Variants in TENM3 observed in about 807,000 individuals in gnomAD.
The protein encoded by TENM3 is teneurin-3.
Under a neutral mutation model 255.1 loss-of-function variants are expected in TENM3, and 63 were observed. The ratio of observed to expected loss-of-function variants is 0.25; its 90% CI spans 0.20 to 0.30. The LOEUF is 0.30. Ranked by LOEUF, TENM3 falls within the 10% of genes least tolerant of loss-of-function variation. The probability of loss-of-function intolerance (pLI) is 1.00; values close to 1 mark genes in which losing one functional copy is unlikely to be tolerated. For synonymous variants in TENM3, 1,306 were observed against 1,322.3 expected, an observed-to-expected ratio of 0.99 and a Z score of 0.27; for missense variants, 2,929 against 3,461.1, an observed-to-expected ratio of 0.85 and a Z score of 3.86.
the TENM3 span, among the ~76,000 whole-genome samples, chr4:182,126,589 T>C: frequency 6.6e-5 from 10 of 152,206 alleles, no homozygotes; most frequent in Non-Finnish European, 1.2e-4. Flanking sequence ...TAACGTGATC[T>C]TCTTGCTGTG....
intron 1 of TENM3, among the ~76,000 whole-genome samples, chr4:182,213,963 G>A (rs1428371839): frequency 2.6e-5 from 4 of 151,996 alleles, no homozygotes; most frequent in East Asian, 3.9e-4. Flanking sequence ...CACCACGCCT[G>A]GCTAATTTTT....
At chr4:182,469,567 A>C (rs1732916940) in intron 3 of TENM3, among the ~76,000 whole-genome samples, 1 of 152,078 alleles carries the variant, frequency 6.6e-6, no homozygotes, top group Non-Finnish European at 1.5e-5. Flanking sequence ...ATGCAAAATG[A>C]GCCGGGCATG....
chr4:182,167,007 C>G (rs2149675290), intron 1 of TENM3, among the ~76,000 whole-genome samples: 1 of 152,186 alleles, frequency 6.6e-6, no homozygotes, highest in Non-Finnish European at 1.5e-5. Flanking sequence ...TTGAAGTGGG[C>G]TACCTATAAG....
chr4:182,596,774 G>A (rs1172431593), intron 3 of TENM3, among the ~76,000 whole-genome samples: 1 of 152,160 alleles, frequency 6.6e-6, no homozygotes, highest in Non-Finnish European at 1.5e-5. Flanking sequence ...GCACTAGAAA[G>A]CCATTTGGAG....
chr4:182,473,633 G>A (rs139722196), intron 3 of TENM3, among the ~76,000 whole-genome samples: 44 of 152,004 alleles, frequency 2.9e-4, no homozygotes, highest in African/African-American at 7.2e-4. Context: ...AGATCGCGCC[G>A]CTGCACTCCA....
chr4:182,371,185 C>G (rs1209937816), intron 3 of TENM3, among the ~76,000 whole-genome samples: 1 of 151,260 alleles, frequency 6.6e-6, no homozygotes, highest in East Asian at 1.9e-4. Flanking sequence ...CCCAGTTTAT[C>G]ATGACTCCTT....
chr4:182,211,221 C>T lies in TENM3; in HGVS notation c.-76+66467C>T, dbSNP rs572999053. 1.1e-4 allele frequency among the ~76,000 whole-genome samples: 16 copies of T among 152,318 alleles called. 1 individual carries two copies. The highest frequency in any genetic ancestry group is 2.4e-4 in the African/African-American group (10 of 41,574). ...GTATTCATAAAGCTCATTCAACCCA[C>T]GAGAGACGTGGCTCTTTCTTGTTCA... On this transcript the variant is annotated intron_variant, in intron 1 of 2. Coordinates refer to the TENM3 transcript ENST00000512480.
chr4:181,668,606 T>C, the TENM3 span, among the ~76,000 whole-genome samples: 1 of 152,210 alleles, frequency 6.6e-6, no homozygotes, highest in Middle Eastern at 3.4e-3. Flanking sequence ...AAATGTCCCC[T>C]TTTTCTAAGG....
chr4:181,888,520 A>ATATATATATATATATGTG, the TENM3 span, among the ~76,000 whole-genome samples: 11 of 92,178 alleles, frequency 1.2e-4, no homozygotes, highest in African/African-American at 5.4e-4. Context: ...ATATATGTAT[A>ATATATATATATATATGTG]TATATACATA....
chr4:182,068,210 C>A, the TENM3 span, among the ~76,000 whole-genome samples: 227 of 152,150 alleles, frequency 1.5e-3, 7 homozygotes, highest in East Asian at 0.032. Flanking sequence ...AATAAGGCAC[C>A]TTTTTAATGG....
At chr4:182,429,690 C>T (rs1024238902) in intron 3 of TENM3, among the ~76,000 whole-genome samples, 2 of 152,144 alleles carry the variant, frequency 1.3e-5, no homozygotes, top group African/African-American at 4.8e-5. Flanking sequence ...ATCCAGTGGT[C>T]ATCTAACAGC....
chr4:182,488,611 C>T (rs1734978401), intron 3 of TENM3, among the ~76,000 whole-genome samples: 1 of 151,996 alleles, frequency 6.6e-6, no homozygotes, highest in Non-Finnish European at 1.5e-5. Flanking sequence ...GGAAGAAAAT[C>T]ATCAGTTCAA....
the TENM3 span, among the ~76,000 whole-genome samples, chr4:181,618,137 G>T: frequency 6.6e-6 from 1 of 152,156 alleles, no homozygotes; most frequent in Non-Finnish European, 1.5e-5. Flanking sequence ...AGTATAGCAG[G>T]CTTCTTATCT....
At chr4:181,799,079 C>T in the TENM3 span, among the ~76,000 whole-genome samples, 1 of 152,136 alleles carries the variant, frequency 6.6e-6, no homozygotes, top group Non-Finnish European at 1.5e-5. Context: ...CTCCCTTTTC[C>T]CACTAACAAA....
the TENM3 span, among the ~76,000 whole-genome samples, chr4:181,706,610 T>G: frequency 6.6e-6 from 1 of 152,176 alleles, no homozygotes; most frequent in Non-Finnish European, 1.5e-5. Context: ...TAAAGTACTT[T>G]TTAAAGCAAT....
the TENM3 span, among the ~76,000 whole-genome samples, chr4:181,706,433 G>T: frequency 6.6e-6 from 1 of 152,152 alleles, no homozygotes; most frequent in Non-Finnish European, 1.5e-5. Context: ...TAGACTGGTT[G>T]TGACTGTTGT....
chr4:181,804,308 C>T, the TENM3 span, among the ~76,000 whole-genome samples: 1 of 152,106 alleles, frequency 6.6e-6, no homozygotes, highest in Non-Finnish European at 1.5e-5. Context: ...TACTGTCAGT[C>T]CAATTCTAAC....
At chr4:182,591,342 C>G (rs186613349) in intron 3 of TENM3, among the ~76,000 whole-genome samples, 1 of 152,180 alleles carries the variant, frequency 6.6e-6, no homozygotes, top group Non-Finnish European at 1.5e-5. Flanking sequence ...AAACCAAATT[C>G]TCACTAACCC....
the TENM3 span, among the ~76,000 whole-genome samples, chr4:181,940,775 CTCT>C: frequency 2.0e-5 from 3 of 152,176 alleles, no homozygotes; most frequent in South Asian, 2.1e-4. Flanking sequence ...CATGGCATAT[CTCT>C]TCTTCTGAAA....
Sources: allele counts gnomAD v4.1 joint callset (sites outside exome capture counted in the v4.1 genomes callset), GRCh38; gene constraint gnomAD v4.1.1; transcripts MANE v1.5; gene names NCBI Gene and HGNC (gene_info 2026-07-23, HGNC 2026-07-21).